MARCHF1: variants seen among roughly 807,000 people sequenced by gnomAD.
MARCHF1 encodes E3 ubiquitin-protein ligase MARCHF1.
A neutral mutation model predicts 54.2 loss-of-function variants in MARCHF1; 40 were observed. That is an observed-to-expected ratio of 0.74 (90% CI 0.57 to 0.96). The LOEUF (loss-of-function observed/expected upper bound fraction) is 0.96, where lower values mean the gene tolerates loss of function less well. MARCHF1 is among the 40% of genes least tolerant of loss of function. The pLI, the probability that MARCHF1 is intolerant of heterozygous loss-of-function variation, is 0.00. For missense variants in MARCHF1, 586 were observed against 656.5 expected, an observed-to-expected ratio of 0.89 and a Z score of 1.17; for synonymous variants, 236 against 236.3, an observed-to-expected ratio of 1.00 and a Z score of 0.01.
intron 8 of MARCHF1, chr4:163,555,938 G>A (rs1035787191): frequency 4.4e-6 from 2 of 456,094 alleles, no homozygotes; most frequent in African/African-American, 4.0e-5. Flanking sequence ...TGCCGTTTAG[G>A]AGACAGTGCT....
chr4:164,024,326 G>C (rs950964910), intron 2 of MARCHF1, among the ~76,000 whole-genome samples: 3 of 152,188 alleles, frequency 2.0e-5, no homozygotes, highest in South Asian at 2.1e-4. Context: ...AAATCTTAAA[G>C]GCAGCTAGAG....
At chr4:163,915,118 C>T (rs1012026896) in intron 3 of MARCHF1, among the ~76,000 whole-genome samples, 1 of 151,996 alleles carries the variant, frequency 6.6e-6, no homozygotes, top group Non-Finnish European at 1.5e-5. Flanking sequence ...TAAAAACCAC[C>T]TCTTGCTCTT....
intron 4 of MARCHF1, among the ~76,000 whole-genome samples, chr4:163,848,040 T>C (rs1749535971): frequency 6.6e-6 from 1 of 152,236 alleles, no homozygotes; most frequent in African/African-American, 2.4e-5. Context: ...GTTTGAATAA[T>C]GAAATCTGCA....
intron 1 of MARCHF1, among the ~76,000 whole-genome samples, chr4:164,346,197 T>C (rs1214077850): frequency 6.6e-6 from 1 of 152,092 alleles, no homozygotes; most frequent in Non-Finnish European, 1.5e-5. Flanking sequence ...AAACAGATAA[T>C]GCCCTAGGTA....
At chr4:164,324,036 A>T (rs1735210666) in intron 1 of MARCHF1, among the ~76,000 whole-genome samples, 2 of 151,670 alleles carry the variant, frequency 1.3e-5, no homozygotes, top group African/African-American at 2.4e-5. Flanking sequence ...AAAAATAAAG[A>T]CTAATTTTAA....
At chr4:164,282,772 C>T (rs1015750615) in intron 1 of MARCHF1, among the ~76,000 whole-genome samples, 1 of 151,262 alleles carries the variant, frequency 6.6e-6, no homozygotes. Context: ...GATCAACAGG[C>T]TCTGCCTGTC....
intron 1 of MARCHF1, among the ~76,000 whole-genome samples, chr4:164,315,851 T>C (rs551665536): frequency 2.0e-5 from 3 of 152,306 alleles, no homozygotes; most frequent in Admixed American, 6.5e-5. Context: ...AAGAATTGGC[T>C]AAACATCAAC....
chr4:164,035,930 T>TAAAAAA (rs35474146), intron 2 of MARCHF1, among the ~76,000 whole-genome samples: 1 of 116,628 alleles, frequency 8.6e-6, no homozygotes, highest in Non-Finnish European at 1.7e-5. Flanking sequence ...AAACTAAAAC[T>TAAAAAA]AAAAAAAAAA....
At chr4:164,226,974 G>C (rs1399194325) in intron 1 of MARCHF1, among the ~76,000 whole-genome samples, 1 of 152,084 alleles carries the variant, frequency 6.6e-6, no homozygotes, top group Non-Finnish European at 1.5e-5. Flanking sequence ...ATAGAGATTT[G>C]AGGGTGGTTT....
intron 1 of MARCHF1, among the ~76,000 whole-genome samples, chr4:164,142,577 A>T (rs1440804987): frequency 1.3e-5 from 2 of 152,058 alleles, no homozygotes; most frequent in Non-Finnish European, 2.9e-5. Context: ...CACCTCACAC[A>T]GCCAGGTACT....
intron 1 of MARCHF1, among the ~76,000 whole-genome samples, chr4:164,375,864 T>G (rs1411056457): frequency 6.6e-6 from 1 of 152,146 alleles, no homozygotes; most frequent in Non-Finnish European, 1.5e-5. Flanking sequence ...ATTTTTATCT[T>G]TTTTCTCCAC....
intron 2 of MARCHF1, among the ~76,000 whole-genome samples, chr4:164,063,119 A>G (rs537010593): frequency 2.7e-4 from 41 of 152,332 alleles, no homozygotes; most frequent in African/African-American, 9.9e-4. Context: ...TATAGAACAC[A>G]GGCAGAGTAT....
At chr4:164,245,152 C>CA (rs985217758) in intron 1 of MARCHF1, among the ~76,000 whole-genome samples, 1 of 151,854 alleles carries the variant, frequency 6.6e-6, no homozygotes, top group Non-Finnish European at 1.5e-5. Context: ...AGAGACACAA[C>CA]AAAAAAAGAG....
At chr4:163,945,392 C>T (rs111692934) in intron 3 of MARCHF1, among the ~76,000 whole-genome samples, 1,528 of 152,276 alleles carry the variant, frequency 0.01, 11 homozygotes, top group Non-Finnish European at 0.016. Context: ...ATCTTCATAG[C>T]TGTCAATCTG....
rs777824259 is a variant in MARCHF1, at chr4:164,273,609, C to T, written c.-323+110261G>A. On this transcript the variant is annotated intron_variant, in intron 1 of 9. Transcript: ENST00000514618. ...TCAGTTGTTTAGTTACAAGATAGAA[C>T]GTGGCCTTGTAAGAAAGCAAATTAA... is the stretch of plus-strand genomic sequence containing the variant. Among the ~76,000 whole-genome samples the T allele has an allele frequency of 3.3e-5, 5 of 152,298 alleles. No individual in the cohort carries two copies. In the East Asian group the frequency reaches 9.7e-4, roughly 29 times the overall value.
intron 4 of MARCHF1, among the ~76,000 whole-genome samples, chr4:163,817,424 GACAC>G (rs757189484): frequency 6.8e-6 from 1 of 147,624 alleles, no homozygotes; most frequent in Non-Finnish European, 1.5e-5. Flanking sequence ...TGTATATATA[GACAC>G]ACACACATAT....
chr4:164,034,973 T>C (rs950787691), intron 2 of MARCHF1, among the ~76,000 whole-genome samples: 1 of 152,172 alleles, frequency 6.6e-6, no homozygotes, highest in Non-Finnish European at 1.5e-5. Context: ...CAAAAATCCG[T>C]GTTATAAATT....
chr4:163,619,905 T>C (rs1013465836), intron 5 of MARCHF1, among the ~76,000 whole-genome samples: 7 of 152,040 alleles, frequency 4.6e-5, no homozygotes, highest in African/African-American at 9.7e-5. Flanking sequence ...AATATGATGA[T>C]CTAAAAAATA....
intron 1 of MARCHF1, among the ~76,000 whole-genome samples, chr4:164,263,969 C>T (rs1288467646): frequency 2.5e-4 from 38 of 152,096 alleles, no homozygotes; most frequent in Admixed American, 2.0e-4. Context: ...AGTTACCATT[C>T]GACCCAGTAA....
Sources: allele counts gnomAD v4.1 joint callset (sites outside exome capture counted in the v4.1 genomes callset), GRCh38; gene constraint gnomAD v4.1.1; transcripts MANE v1.5; gene names NCBI Gene and HGNC (gene_info 2026-07-23, HGNC 2026-07-21).